CSMD1: variants seen among roughly 807,000 people sequenced by gnomAD.
CSMD1 encodes CUB and Sushi multiple domains 1.
A neutral mutation model predicts 417.5 loss-of-function variants in CSMD1; 213 were observed. The ratio of observed to expected loss-of-function variants is 0.51; its 90% CI spans 0.46 to 0.57. The LOEUF is 0.57. Among genes scored for constraint, CSMD1 ranks in the 20% least tolerant of loss-of-function variants. CSMD1 has a pLI of 0.00. For missense variants in CSMD1, 6,923 were observed against 4,529.7 expected, an observed-to-expected ratio of 1.53 and a Z score of -15.17; for synonymous variants, 2,862 against 1,736.8, an observed-to-expected ratio of 1.65 and a Z score of -16.11.
At chr8:4,771,584 G>A (rs1416747275) in intron 1 of CSMD1, among the ~76,000 whole-genome samples, 2 of 152,214 alleles carry the variant, frequency 1.3e-5, no homozygotes, top group African/African-American at 4.8e-5. Context: ...GAAATGGGAT[G>A]TTGAAATATT....
At chr8:4,212,300 G>C (rs923642480) in intron 3 of CSMD1, among the ~76,000 whole-genome samples, 8 of 151,726 alleles carry the variant, frequency 5.3e-5, no homozygotes, top group African/African-American at 1.2e-4. Flanking sequence ...GTCAAAACTA[G>C]ATACCTACCA....
At chr8:3,842,843 A>C (rs187782442) in intron 5 of CSMD1, among the ~76,000 whole-genome samples, 52 of 152,330 alleles carry the variant, frequency 3.4e-4, no homozygotes, top group Admixed American at 3.1e-3. Context: ...CTGCTACAAT[A>C]AATGGGAATA....
At chr8:3,602,963 T>C (rs1467933525) in intron 8 of CSMD1, among the ~76,000 whole-genome samples, 1 of 152,262 alleles carries the variant, frequency 6.6e-6, no homozygotes, top group East Asian at 1.9e-4. Context: ...GATGAAAAAA[T>C]TACTTTTCTA....
chr8:4,244,253 C>G (rs1233785278), intron 3 of CSMD1, among the ~76,000 whole-genome samples: 1 of 152,154 alleles, frequency 6.6e-6, no homozygotes, highest in Non-Finnish European at 1.5e-5. Context: ...TTCCACAGAG[C>G]ACAGGGGCAC....
intron 5 of CSMD1, among the ~76,000 whole-genome samples, chr8:3,877,412 C>T (rs2975348): frequency 0.71 from 107,352 of 151,956 alleles, 38,441 homozygotes; most frequent in Middle Eastern, 0.8. Context: ...CATACAGGCT[C>T]AGAAGCGGAG....
chr8:3,760,570 G>A (rs1042661372), intron 5 of CSMD1, among the ~76,000 whole-genome samples: 1 of 152,152 alleles, frequency 6.6e-6, no homozygotes, highest in East Asian at 1.9e-4. Context: ...TGAACACATT[G>A]TTCTAACATT....
intron 3 of CSMD1, among the ~76,000 whole-genome samples, chr8:4,398,307 T>C (rs1452817996): frequency 1.3e-5 from 2 of 152,060 alleles, no homozygotes; most frequent in African/African-American, 2.4e-5. Context: ...CTACTCTTAG[T>C]ATGAGTTTTA....
intron 2 of CSMD1, among the ~76,000 whole-genome samples, chr8:4,555,422 C>G (rs559345483): frequency 7.9e-5 from 12 of 152,144 alleles, no homozygotes; most frequent in African/African-American, 2.7e-4. Context: ...GCATGGAGAC[C>G]AGATTTGGAC....
intron 2 of CSMD1, among the ~76,000 whole-genome samples, chr8:4,603,548 A>G (rs1800705670): frequency 6.6e-6 from 1 of 152,158 alleles, no homozygotes; most frequent in Admixed American, 6.5e-5. Context: ...AAAGAAAACC[A>G]GAACAAATAT....
At chr8:3,654,607 C>G (rs560517262) in intron 7 of CSMD1, among the ~76,000 whole-genome samples, 3 of 152,294 alleles carry the variant, frequency 2.0e-5, no homozygotes, top group Non-Finnish European at 2.9e-5. Context: ...CCTCCCATAT[C>G]TTTTTCAAAG....
chr8:3,178,852 G>T (rs1010541148), intron 37 of CSMD1, among the ~76,000 whole-genome samples: 1 of 151,734 alleles, frequency 6.6e-6, no homozygotes, highest in Admixed American at 6.6e-5. Flanking sequence ...TAAGATATCA[G>T]AAAATCTTTT....
chr8:3,069,320 A>T (rs1054385320), intron 49 of CSMD1, among the ~76,000 whole-genome samples: 1 of 151,928 alleles, frequency 6.6e-6, no homozygotes, highest in Non-Finnish European at 1.5e-5. Flanking sequence ...CTGTAATCCC[A>T]GCTACTCGGG....
intron 15 of CSMD1, among the ~76,000 whole-genome samples, chr8:3,400,579 A>G (rs796958847): frequency 7.9e-5 from 12 of 152,142 alleles, no homozygotes; most frequent in African/African-American, 2.6e-4. Context: ...CTGCATGACC[A>G]TATATTGGAA....
At chr8:2,982,153 C>G (rs2721297) in intron 54 of CSMD1, among the ~76,000 whole-genome samples, 12 of 152,032 alleles carry the variant, frequency 7.9e-5, no homozygotes, top group Non-Finnish European at 1.6e-4. Flanking sequence ...GTCAAGAGTT[C>G]GAGACCAGCC....
intron 40 of CSMD1, among the ~76,000 whole-genome samples, chr8:3,149,547 G>T (rs565261054): frequency 5.3e-5 from 8 of 152,266 alleles, no homozygotes; most frequent in African/African-American, 1.7e-4. Context: ...GCGTGATCGT[G>T]GCTCACTGCA....
intron 20 of CSMD1, among the ~76,000 whole-genome samples, chr8:3,363,182 C>T (rs1809312140): frequency 6.6e-6 from 1 of 152,180 alleles, no homozygotes; most frequent in Non-Finnish European, 1.5e-5. Flanking sequence ...CCATTCCCTG[C>T]TTCACAATCA....
rs377367972 is a variant in CSMD1 at position 4,105,942 on chromosome 8, C to G, written c.416-73843G>C. On this transcript the variant is annotated intron_variant, in intron 3 of 69. Transcript: ENST00000635120. ...CCAAGGTTCGGTGCGTCCTGAATAC[C>G]TGACCTGAATTAGCCACAAGTCCCA... 1.3e-3 allele frequency among the ~76,000 whole-genome samples: 205 copies of G among 152,318 alleles called. 1 individual carries two copies. Among genetic ancestry groups the G allele is most frequent in the African/African-American group, 4.7e-3 (197 of 41,570 alleles).
At chr8:3,734,994 T>A (rs1465567056) in intron 6 of CSMD1, among the ~76,000 whole-genome samples, 1 of 152,188 alleles carries the variant, frequency 6.6e-6, no homozygotes, top group Non-Finnish European at 1.5e-5. Flanking sequence ...CCCTGTGGTG[T>A]GCAAAGAGAG....
intron 1 of CSMD1, among the ~76,000 whole-genome samples, chr8:4,899,030 G>A (rs190302594): frequency 2.6e-5 from 4 of 152,038 alleles, no homozygotes; most frequent in Non-Finnish European, 4.4e-5. Flanking sequence ...AAACACAATC[G>A]ACTCCTTTGG....
Sources: gnomAD v4.1 joint callset for allele counts (sites outside exome capture counted in the v4.1 genomes callset) on GRCh38, gnomAD v4.1.1 for gene constraint, MANE v1.5 for transcripts, NCBI Gene and HGNC (gene_info 2026-07-23, HGNC 2026-07-21) for gene names.